PCNA: variants seen among roughly 807,000 people sequenced by gnomAD.
PCNA encodes DNA sliding clamp PCNA.
PCNA carries 4 observed loss-of-function variants against 27.8 expected under a neutral mutation model. The ratio of observed to expected loss-of-function variants is 0.14; its 90% CI spans 0.07 to 0.33. PCNA has a LOEUF of 0.33. Ranked by LOEUF, PCNA falls within the 10% of genes least tolerant of loss-of-function variation. PCNA has a pLI of 1.00. For synonymous variants in PCNA, 121 were observed against 119.4 expected (o/e 1.01, Z -0.09); for missense variants, 165 against 327.4 (o/e 0.50, Z 3.83).
chr20:5,122,111 A>G (rs979498039), upstream of PCNA, among the ~76,000 whole-genome samples: 2 of 151,732 alleles, frequency 1.3e-5, no homozygotes, highest in African/African-American at 4.8e-5. Flanking sequence ...CCTCCTGAAT[A>G]GCTAGGATTA....
At chr20:5,120,037 G>T (rs2122909107), upstream of PCNA, 2 of 547,890 alleles carry the variant, frequency 3.7e-6, no homozygotes, top group Non-Finnish European at 6.6e-6. Context: ...ACGGCCTTGC[G>T]GGGAAGACTT....
At chr20:5,121,105 G>C (rs1383777451), upstream of PCNA, among the ~76,000 whole-genome samples, 1 of 152,142 alleles carries the variant, frequency 6.6e-6, no homozygotes, top group East Asian at 1.9e-4. Context: ...TTACAGGCGT[G>C]AGCCACCACG....
intron 3 of PCNA, 61 bp downstream of exon 3, chr20:5,118,549 T>C (rs1245654445): frequency 6.6e-6 from 8 of 1,209,876 alleles, no homozygotes; most frequent in Non-Finnish European, 8.4e-6. Flanking sequence ...AAACAAACAT[T>C]CTATGACATA....
chr20:5,120,797 A>AT (rs932431237), upstream of PCNA, among the ~76,000 whole-genome samples: 1 of 151,894 alleles, frequency 6.6e-6, no homozygotes, highest in African/African-American at 2.4e-5. Flanking sequence ...CACATTTAAT[A>AT]TTTTTTCTTT....
intron 4 of PCNA, among the ~76,000 whole-genome samples, chr20:5,117,092 G>A (rs992927915): frequency 1.3e-5 from 2 of 152,156 alleles, no homozygotes; most frequent in Admixed American, 1.3e-4. Flanking sequence ...GCTCCAAACA[G>A]GTAGACTTTT....
At chr20:5,123,320 G>A (rs1171879791), upstream of PCNA, among the ~76,000 whole-genome samples, 1 of 152,154 alleles carries the variant, frequency 6.6e-6, no homozygotes, top group Non-Finnish European at 1.5e-5. Context: ...TCTAGTAAAG[G>A]TACTATTGGA....
chr20:5,115,093 C>T lies in PCNA; in HGVS notation c.*190G>A, dbSNP rs1352573414. On this transcript the variant is annotated 3_prime_UTR_variant, in exon 6 of 6. Transcript: ENST00000379143. ...TACTTCTAGGTTAACTAGACCAGATCTGACTTTGGACTTTATTCTTTAAAC... is the reference window on the plus strand; with the variant it reads ...TACTTCTAGGTTAACTAGACCAGATTTGACTTTGGACTTTATTCTTTAAAC... 1 of 501,810 alleles carries T rather than the reference C, an allele frequency of 2.0e-6. No individual in the cohort carries two copies. Among genetic ancestry groups the T allele is most frequent in the African/African-American group, 1.9e-5 (1 of 51,308 alleles). 31.1% of individuals were successfully genotyped at this position (501,810 alleles called of 1,614,324 possible). A position where few individuals can be genotyped will look rare whatever the true frequency, so the allele number is the denominator to read the frequency against.
At chr20:5,123,116 G>C (rs949202156), upstream of PCNA, among the ~76,000 whole-genome samples, 15 of 152,152 alleles carry the variant, frequency 9.9e-5, no homozygotes, top group Non-Finnish European at 2.1e-4. Flanking sequence ...CAGCATACTT[G>C]GAATATATTC....
chr20:5,120,996 T>A (rs1261141070), upstream of PCNA, among the ~76,000 whole-genome samples: 3 of 151,950 alleles, frequency 2.0e-5, no homozygotes, highest in Admixed American at 6.6e-5. Flanking sequence ...TATTATTATT[T>A]TTTTTTAGTA....
chr20:5,124,599 C>T (rs1351081764), upstream of PCNA, among the ~76,000 whole-genome samples: 7 of 151,348 alleles, frequency 4.6e-5, no homozygotes, highest in Admixed American at 3.9e-4. Context: ...CATTGCACTC[C>T]AGCCTGAGCA....
At chr20:5,117,384 G>A (rs1419756641) in intron 4 of PCNA, 86 bp downstream of exon 4, 1 of 908,604 alleles carries the variant, frequency 1.1e-6, no homozygotes, top group African/African-American at 1.7e-5. Flanking sequence ...ATCCAATTCT[G>A]TCTACTTTTA....
chr20:5,118,681 C>A lies in PCNA; in HGVS notation c.320-4G>T. The A allele has an allele frequency of 6.2e-7, 1 of 1,613,520 alleles. No homozygotes were observed. The highest frequency in any genetic ancestry group is 8.5e-7 in the Non-Finnish European group (1 of 1,179,404). ...TAGTCTGAAACTTTCTCCTGGTCTA[C>A]CAAAAGAAAGCAGATGCTTTTGAGA... is the stretch of plus-strand genomic sequence containing the variant. On this transcript the variant is annotated splice_polypyrimidine_tract_variant and splice_region_variant and intron_variant, in intron 2 of 5. Coordinates refer to ENST00000379143, the MANE Select transcript of PCNA (RefSeq NM_182649.2).
At position 5,117,223 on chromosome 20, in the gene PCNA, C is replaced by T. The variant is rs141526219; in HGVS notation, c.582+247G>A. 1.4e-4 allele frequency among the ~76,000 whole-genome samples: 22 copies of T among 152,250 alleles called. 1 individual carries two copies. In the East Asian group the frequency reaches 3.3e-3, roughly 23 times the overall value. On this transcript the variant is annotated intron_variant, in intron 4 of 5. Transcript: ENST00000379143. ...ACTTCCCAATCCTACCCTTAAGAGC[C>T]GGTGTGGACTTGATCCATAAACCAC... is the stretch of plus-strand genomic sequence containing the variant.
At chr20:5,122,170 C>T (rs923526190), upstream of PCNA, among the ~76,000 whole-genome samples, 5 of 151,838 alleles carry the variant, frequency 3.3e-5, no homozygotes, top group African/African-American at 9.7e-5. Context: ...TTAGTAGAGA[C>T]GGGGTTTTGC....
At chr20:5,124,423 G>A (rs1026521627), upstream of PCNA, among the ~76,000 whole-genome samples, 1 of 151,878 alleles carries the variant, frequency 6.6e-6, no homozygotes, top group Non-Finnish European at 1.5e-5. Flanking sequence ...ATCACCTGAG[G>A]TCAAGAATTC....
chr20:5,118,990 G>A (rs25406), intron 1 of PCNA, 124 bp from the exon 2 acceptor site: 279,515 of 667,062 alleles, frequency 0.42, 60,737 homozygotes, highest in South Asian at 0.63. Flanking sequence ...TGGAGGGTAA[G>A]CGGACTGCTG....
Position 5,115,027 on chromosome 20 carries a change from T to A in PCNA, c.*256A>T. On this transcript the variant is annotated 3_prime_UTR_variant, in exon 6 of 6. Coordinates refer to ENST00000379143, the MANE Select transcript of PCNA (RefSeq NM_182649.2). The stretch of plus-strand genomic sequence containing the variant: ...AAACTGCATTTAGAGTCAAGACCCT[T>A]TTGTATTATAAAAATCACAAGTATT... The A allele has an allele frequency of 2.9e-6, 1 of 341,800 alleles. No homozygotes were observed. 21.2% of individuals were successfully genotyped at this position (341,800 alleles called of 1,614,324 possible).
chr20:5,120,035 G>A (rs1323401711), upstream of PCNA: 3 of 550,228 alleles, frequency 5.5e-6, no homozygotes, highest in Non-Finnish European at 6.6e-6. Context: ...CCACGGCCTT[G>A]CGGGGAAGAC....
chr20:5,126,038 A>AG (rs2090545718), intron 1 of PCNA, among the ~76,000 whole-genome samples: 1 of 152,232 alleles, frequency 6.6e-6, no homozygotes, highest in African/African-American at 2.4e-5. Context: ...GTTCGAGACC[A>AG]GCCTGACCAA....
Sources: allele counts gnomAD v4.1 joint callset (sites outside exome capture counted in the v4.1 genomes callset), GRCh38; gene constraint gnomAD v4.1.1; transcripts MANE v1.5; gene names NCBI Gene and HGNC (gene_info 2026-07-23, HGNC 2026-07-21).